Variants in HIVEP3 observed in about 807,000 individuals in gnomAD.
HIVEP3 encodes HIVEP zinc finger 3.
HIVEP3 carries 49 observed loss-of-function variants against 152.8 expected under a neutral mutation model. The observed-to-expected ratio is 0.32, with a 90% confidence interval of 0.26 to 0.41. The LOEUF (loss-of-function observed/expected upper bound fraction) is 0.41. Among genes scored for constraint, HIVEP3 ranks in the 10% least tolerant of loss-of-function variants. The pLI is 1.00. For synonymous variants in HIVEP3, 1,269 were observed against 1,289.0 expected (o/e 0.98, Z 0.33); for missense variants, 2,790 against 3,103.3 (o/e 0.90, Z 2.40).
intron 5 of HIVEP3, among the ~76,000 whole-genome samples, chr1:41,531,867 AC>A (rs1643267015): frequency 8.5e-6 from 1 of 117,380 alleles, no homozygotes; most frequent in Non-Finnish European, 1.8e-5. Flanking sequence ...GAGATGGAGG[AC>A]AGGAGAGATG....
intron 3 of HIVEP3, among the ~76,000 whole-genome samples, chr1:41,589,704 G>C (rs1644558668): frequency 6.6e-6 from 1 of 152,190 alleles, no homozygotes; most frequent in African/African-American, 2.4e-5. Context: ...GTCAAAGTTA[G>C]ATAAGGCTGG....
intron 2 of HIVEP3, among the ~76,000 whole-genome samples, chr1:41,695,426 C>T (rs1646258492): frequency 6.6e-6 from 1 of 152,178 alleles, no homozygotes; most frequent in African/African-American, 2.4e-5. Context: ...CATGGAGGAC[C>T]ATGGGTTGGG....
chr1:41,964,153 G>C (rs1407377789), intron 1 of HIVEP3, among the ~76,000 whole-genome samples: 1 of 152,156 alleles, frequency 6.6e-6, no homozygotes, highest in Non-Finnish European at 1.5e-5. Flanking sequence ...AGCTGCAGTC[G>C]GCAGCTCCCA....
intron 2 of HIVEP3, among the ~76,000 whole-genome samples, chr1:41,655,048 A>C (rs1645608566): frequency 6.6e-6 from 1 of 152,172 alleles, no homozygotes. Context: ...ATTATTATTA[A>C]AGTTGCTGTA....
At chr1:41,579,630 A>T in intron 4 of HIVEP3, 107 bp downstream of exon 4, 1 of 1,304,618 alleles carries the variant, frequency 7.7e-7, no homozygotes, top group Non-Finnish European at 1.0e-6. Flanking sequence ...TCTGACTACT[A>T]GTCTGGCTCT....
intron 1 of HIVEP3, among the ~76,000 whole-genome samples, chr1:41,996,690 T>C (rs546026436): frequency 6.6e-6 from 1 of 152,334 alleles, no homozygotes; most frequent in African/African-American, 2.4e-5. Flanking sequence ...TTCCCATTCT[T>C]GCTATAATGA....
chr1:41,613,687 C>A (rs1050980493), intron 3 of HIVEP3, among the ~76,000 whole-genome samples: 3 of 152,158 alleles, frequency 2.0e-5, no homozygotes, highest in Non-Finnish European at 4.4e-5. Flanking sequence ...TTTGATTATT[C>A]AAATATTGAG....
At chr1:41,693,022 C>A (rs984462402) in intron 2 of HIVEP3, among the ~76,000 whole-genome samples, 2 of 152,190 alleles carry the variant, frequency 1.3e-5, no homozygotes, top group African/African-American at 4.8e-5. Context: ...TTGCCACAAG[C>A]CTATGAAAGT....
intron 1 of HIVEP3, chr1:41,847,291 G>A (rs1051275182): frequency 2.0e-5 from 3 of 152,350 alleles, no homozygotes; most frequent in Admixed American, 2.0e-4. Flanking sequence ...AAAGGATGCT[G>A]TAGCTATGTA....
rs143280033 is a variant in HIVEP3 at position 41,994,187 on chromosome 1, C to A, written n.119+41620G>T. The stretch of plus-strand genomic sequence containing the variant: ...AAAATAAAAATAAAGAAAAAAAATC[C>A]TCTCTGGAGAGAAGCATGTTATCTT... On this transcript the variant is annotated intron_variant and non_coding_transcript_variant, in intron 1 of 3. Coordinates refer to the HIVEP3 transcript ENST00000489103. Among the ~76,000 whole-genome samples the A allele has an allele frequency of 5.5e-3, 839 of 151,192 alleles. 3 individuals are homozygous for A. The highest frequency in any genetic ancestry group is 0.017 in the Middle Eastern group (5 of 294).
At chr1:41,639,852 G>A (rs755600816) in intron 2 of HIVEP3, among the ~76,000 whole-genome samples, 4 of 152,288 alleles carry the variant, frequency 2.6e-5, no homozygotes, top group African/African-American at 4.8e-5. Flanking sequence ...TGAGTGAGGC[G>A]TCCCCAACAA....
At chr1:41,989,106 T>C (rs1334993693) in intron 1 of HIVEP3, among the ~76,000 whole-genome samples, 1 of 152,126 alleles carries the variant, frequency 6.6e-6, no homozygotes, top group African/African-American at 2.4e-5. Flanking sequence ...ACATAAAATT[T>C]CAGTTAGATG....
At chr1:41,546,150 G>A (rs1371494717) in intron 5 of HIVEP3, among the ~76,000 whole-genome samples, 2 of 152,172 alleles carry the variant, frequency 1.3e-5, no homozygotes, top group Non-Finnish European at 2.9e-5. Flanking sequence ...GCAGCAGGGC[G>A]GGTGACTACA....
intron 1 of HIVEP3, among the ~76,000 whole-genome samples, chr1:42,023,988 T>G (rs914488324): frequency 6.6e-6 from 1 of 152,224 alleles, no homozygotes; most frequent in Non-Finnish European, 1.5e-5. Flanking sequence ...TGTAAAGTAG[T>G]GTTTTTGGGC....
At chr1:41,896,001 C>A (rs547539458) in intron 1 of HIVEP3, among the ~76,000 whole-genome samples, 1 of 152,200 alleles carries the variant, frequency 6.6e-6, no homozygotes, top group African/African-American at 2.4e-5. Flanking sequence ...TTATATACAA[C>A]ATATTACACA....
At chr1:41,648,217 C>T (rs995161560) in intron 2 of HIVEP3, among the ~76,000 whole-genome samples, 2 of 152,244 alleles carry the variant, frequency 1.3e-5, no homozygotes, top group African/African-American at 4.8e-5. Context: ...GGGAAATGTC[C>T]TCCACGACTG....
At chr1:41,819,748 TGATATTGG>T (rs538197657) in intron 1 of HIVEP3, among the ~76,000 whole-genome samples, 1 of 152,340 alleles carries the variant, frequency 6.6e-6, no homozygotes, top group East Asian at 1.9e-4. Context: ...GAGATGTTTA[TGATATTGG>T]GATTTTAAAA....
chr1:41,540,324 G>A (rs1643497439), intron 5 of HIVEP3, among the ~76,000 whole-genome samples: 1 of 152,230 alleles, frequency 6.6e-6, no homozygotes, highest in Admixed American at 6.5e-5. Flanking sequence ...ATCCTGCAAT[G>A]AGCTCAAGGT....
chr1:41,724,927 T>C (rs1401580876), intron 1 of HIVEP3, among the ~76,000 whole-genome samples: 1 of 152,196 alleles, frequency 6.6e-6, no homozygotes, highest in African/African-American at 2.4e-5. Flanking sequence ...AGACAAAGAA[T>C]AGCACTGGCA....
Sources: gnomAD v4.1 joint callset for allele counts (sites outside exome capture counted in the v4.1 genomes callset) on GRCh38, gnomAD v4.1.1 for gene constraint, MANE v1.5 for transcripts, NCBI Gene and HGNC (gene_info 2026-07-23, HGNC 2026-07-21) for gene names.